Variants in PROC observed in about 807,000 individuals in gnomAD.
The protein encoded by PROC is vitamin K-dependent protein C.
In PROC, 22 loss-of-function variants were observed where a neutral mutation model predicts 36.3. That is an observed-to-expected ratio of 0.61 (90% CI 0.43 to 0.86). PROC has a LOEUF of 0.86. Ranked by LOEUF, PROC falls within the 40% of genes least tolerant of loss-of-function variation. The pLI, the probability that PROC is intolerant of heterozygous loss-of-function variation, is 0.00. For synonymous variants in PROC, 218 were observed against 244.5 expected (o/e 0.89, Z 1.01); for missense variants, 526 against 629.7 (o/e 0.84, Z 1.76).
intron 8 of PROC, 46 bp from the exon 9 acceptor site, chr2:127,428,311 G>A (rs759120733): frequency 1.6e-5 from 26 of 1,586,186 alleles, no homozygotes; most frequent in Non-Finnish European, 2.1e-5. Flanking sequence ...TGCCACTGGG[G>A]AGAGGCTCCC....
At chr2:127,424,954 T>C (rs563683459) in intron 6 of PROC, among the ~76,000 whole-genome samples, 3 of 152,320 alleles carry the variant, frequency 2.0e-5, no homozygotes, top group African/African-American at 7.2e-5. Context: ...AGCTGGTGCC[T>C]GTGCAGGCTG....
At position 127,428,608 on chromosome 2, in the gene PROC, A is replaced by G. The variant is rs1191848415; in HGVS notation, c.1048A>G (p.Lys350Glu). 2 of 1,614,034 alleles carry G rather than the reference A, an allele frequency of 1.2e-6. No homozygotes were observed. The highest frequency in any genetic ancestry group is 1.7e-6 in the Non-Finnish European group (2 of 1,180,036). ...CTGGGGCTACCACAGCAGCCGAGAGAAGGAGGCCAAGAGAAACCGCACCTT... is the reference window on the plus strand; with the variant it reads ...CTGGGGCTACCACAGCAGCCGAGAGGAGGAGGCCAAGAGAAACCGCACCTT... The part of the protein sequence containing the change: ...TGWGYHSSRE[K>E]EAKRNRTFVL... Residue 350 changes from lysine (K) to glutamate (E), a missense_variant, in exon 9 of 9, where the codon AAG becomes GAG. Transcript: ENST00000234071.
chr2:127,426,295 T>C lies in PROC; in HGVS notation c.678+68T>C, dbSNP rs994891455. On this transcript the variant is annotated intron_variant, in intron 7 of 8. Coordinates refer to ENST00000234071, the MANE Select transcript of PROC (RefSeq NM_000312.4). The surrounding 1 kb of genome is among the most constrained non-coding windows in gnomAD (Gnocchi z 7.0). Reference sequence around the variant, plus strand: ...GGATCACTGAGTCCATCCTGGCAGCTATGCTCAGGGTGCAGAAACCGAGAG... The same window carrying C: ...GGATCACTGAGTCCATCCTGGCAGCCATGCTCAGGGTGCAGAAACCGAGAG... 3 of 1,605,344 alleles carry C rather than the reference T, an allele frequency of 1.9e-6. No individual in the cohort carries two copies. The highest frequency in any genetic ancestry group is 2.7e-5 in the African/African-American group (2 of 74,672).
In PROC at chr2:127,429,122, T is replaced by C. The variant is rs150393087; in HGVS notation, c.*176T>C. Reference sequence around the variant, plus strand: ...GTCACATGCCTTATGAATAGAATCTTAACTCCTAGAGCAACTCTGTGGGGT... The same window carrying C: ...GTCACATGCCTTATGAATAGAATCTCAACTCCTAGAGCAACTCTGTGGGGT... On this transcript the variant is annotated 3_prime_UTR_variant, in exon 9 of 9. Coordinates refer to ENST00000234071, the MANE Select transcript of PROC (RefSeq NM_000312.4). 45 of 727,346 alleles carry C rather than the reference T, an allele frequency of 6.2e-5. No homozygotes were observed. The East Asian group carries it at 1.2e-3, about 20-fold the overall frequency. 45.1% of individuals were successfully genotyped at this position (727,346 alleles called of 1,614,324 possible).
intron 6 of PROC, among the ~76,000 whole-genome samples, chr2:127,424,414 G>T (rs920848003): frequency 6.6e-6 from 1 of 152,126 alleles, no homozygotes; most frequent in Non-Finnish European, 1.5e-5. Context: ...GGTCAAGCTG[G>T]TCTTGAACTC....
intron 1 of PROC, chr2:127,419,666 G>A: frequency 1.4e-6 from 1 of 706,676 alleles, no homozygotes; most frequent in Non-Finnish European, 2.2e-6. Context: ...CCCCAGGGAG[G>A]ACACAAACAT....
In PROC at chr2:127,426,413, T is replaced by G. The variant is rs1159120280; in HGVS notation, c.678+186T>G. ...CCTGAGGGGAGAGGAGCAGCCAGGG[T>G]GGGTGAGGGGAGGGGCATGGGGGCA... On this transcript the variant is annotated intron_variant, in intron 7 of 8. Coordinates refer to ENST00000234071, the MANE Select transcript of PROC (RefSeq NM_000312.4). This position sits in a 1 kb window ranked among gnomAD's most constrained non-coding sequence, Gnocchi z 7.0. 6.2e-5 allele frequency: 42 copies of G among 674,208 alleles called. No individual in the cohort carries two copies. The highest frequency in any genetic ancestry group is 1.7e-4 in the African/African-American group (8 of 47,478). The allele number at this position is 674,208 out of a possible 1,614,324, so 41.8% of individuals were successfully genotyped here.
chr2:127,423,215 G>A, intron 5 of PROC, 44 bp downstream of exon 5: 1 of 1,520,530 alleles, frequency 6.6e-7, no homozygotes, highest in Non-Finnish European at 8.8e-7. Context: ...GGGCGGGGCT[G>A]GGGCCGGGTT....
chr2:127,421,546 C>A, intron 3 of PROC, 97 bp downstream of exon 3: 1 of 1,443,480 alleles, frequency 6.9e-7, no homozygotes, highest in African/African-American at 1.4e-5. Context: ...CTGAGGCCCT[C>A]TTAGGAGTTG....
rs536951067 is a variant in PROC at position 127,423,969 on chromosome 2, C to T, written c.535+561C>T. On this transcript the variant is annotated intron_variant, in intron 6 of 8. Coordinates refer to ENST00000234071, the MANE Select transcript of PROC (RefSeq NM_000312.4). The stretch of plus-strand genomic sequence containing the variant: ...TACATTTCAGCATGCTGTTCCTTGG[C>T]ATGGGTCCTTTTTTCATTCATTTTC... 9.2e-5 allele frequency among the ~76,000 whole-genome samples: 14 copies of T among 152,272 alleles called. No individual in the cohort carries two copies. The East Asian group carries it at 2.5e-3, about 27-fold the overall frequency.
intron 3 of PROC, 99 bp from the exon 4 acceptor site, chr2:127,422,818 T>G (rs1423307675): frequency 3.4e-6 from 5 of 1,480,870 alleles, no homozygotes; most frequent in Non-Finnish European, 4.6e-6. Context: ...CTGGAAGCCC[T>G]CCCCTCCCCT....
Position 127,426,604 on chromosome 2 carries a change from G to T in PROC, c.678+377G>T. 1 of 357,772 alleles carries T rather than the reference G, an allele frequency of 2.8e-6. No homozygotes were observed. 22.2% of individuals were successfully genotyped at this position (357,772 alleles called of 1,614,324 possible). ...TCCACATGGGAACTGACACTTACTG[G>T]GTTCCCCTCTCTGCCAGGCATGGGG... is the stretch of plus-strand genomic sequence containing the variant. On this transcript the variant is annotated intron_variant, in intron 7 of 8. Transcript: ENST00000234071. The surrounding 1 kb of genome is among the most constrained non-coding windows in gnomAD (Gnocchi z 7.0).
chr2:127,418,758 C>G lies in PROC; in HGVS notation c.-22+266C>G, dbSNP rs1312583126. On this transcript the variant is annotated intron_variant, in intron 1 of 8. Coordinates refer to ENST00000234071, the MANE Select transcript of PROC (RefSeq NM_000312.4). The surrounding 1 kb of genome is among the most constrained non-coding windows in gnomAD (Gnocchi z 4.8). ...CAGACAGTTTGGAGCCCAGGACCCT[C>G]CATTCTCCCCACCCCACTTCCACCT... Among the ~76,000 whole-genome samples, 1 of 152,244 alleles carries G rather than the reference C, an allele frequency of 6.6e-6. No homozygotes were observed. The highest frequency in any genetic ancestry group is 6.5e-5 in the Admixed American group (1 of 15,286).
intron 1 of PROC, among the ~76,000 whole-genome samples, chr2:127,419,184 G>A (rs898410243): frequency 4.6e-5 from 7 of 152,182 alleles, no homozygotes; most frequent in Non-Finnish European, 7.3e-5. Context: ...AATCAACGGA[G>A]ACCAGCAAGG....
intron 8 of PROC, among the ~76,000 whole-genome samples, chr2:127,427,918 G>C (rs2069930): frequency 2.0e-5 from 3 of 152,160 alleles, no homozygotes; most frequent in Non-Finnish European, 2.9e-5. Flanking sequence ...TGTCCTCCCT[G>C]GCAGTGCCGT....
At position 127,423,006 on chromosome 2, in the gene PROC, T is replaced by G. The variant is rs2104952137; in HGVS notation, c.263-28T>G. 1.2e-6 allele frequency: 2 copies of G among 1,612,536 alleles called. No homozygotes were observed. Among genetic ancestry groups the G allele is most frequent in the Non-Finnish European group, 1.7e-6 (2 of 1,179,798 alleles). ...CGCGCCCCTCGGGATCTCTGGCCGC[T>G]GACCCCCTACCCCGCCTTGTGTCGC... On this transcript the variant is annotated intron_variant, in intron 4 of 8. Transcript: ENST00000234071.
Position 127,428,391 on chromosome 2 carries a change from G to A in PROC, c.831G>A (p.Glu277=). 3 of 1,614,110 alleles carry A rather than the reference G, an allele frequency of 1.9e-6. No homozygotes were observed. The highest frequency in any genetic ancestry group is 2.5e-6 in the Non-Finnish European group (3 of 1,180,030). ...ACCTGCGGCGCTGGGAGAAGTGGGA[G>A]CTGGACCTGGACATCAAGGAGGTCT... ...EYDLRRWEKW[E]LDLDIKEVFV... is the part of the protein sequence containing the mutation. Residue 277 remains glutamate (E), a synonymous_variant, in exon 9 of 9, where the codon GAG becomes GAA. Transcript: ENST00000234071.
intron 2 of PROC, among the ~76,000 whole-genome samples, chr2:127,420,530 G>A (rs1380348228): frequency 6.6e-6 from 1 of 152,124 alleles, no homozygotes; most frequent in Non-Finnish European, 1.5e-5. Flanking sequence ...TGCCTTTATA[G>A]AGCTGTTTAT....
chr2:127,425,936 G>T, intron 6 of PROC, 149 bp from the exon 7 acceptor site: 1 of 802,628 alleles, frequency 1.2e-6, no homozygotes, highest in Non-Finnish European at 2.1e-6. Flanking sequence ...GGGGTTCATA[G>T]CTAATATTAA....
Sources: allele counts gnomAD v4.1 joint callset (sites outside exome capture counted in the v4.1 genomes callset), GRCh38; gene constraint gnomAD v4.1.1; non-coding constraint Gnocchi (gnomAD v3.1); transcripts MANE v1.5; gene names NCBI Gene and HGNC (gene_info 2026-07-23, HGNC 2026-07-21).